Variants in ADK observed in about 807,000 individuals in gnomAD.
The protein encoded by ADK is adenosine kinase.
A neutral mutation model predicts 44.7 loss-of-function variants in ADK; 24 were observed. That is an observed-to-expected ratio of 0.54 (90% CI 0.39 to 0.76). The LOEUF (loss-of-function observed/expected upper bound fraction) is 0.76. ADK is among the 30% of genes least tolerant of loss of function. The pLI is 0.00. For missense variants in ADK, 321 were observed against 425.1 expected, an observed-to-expected ratio of 0.76 and a Z score of 2.15; for synonymous variants, 128 against 142.6, an observed-to-expected ratio of 0.90 and a Z score of 0.73.
chr10:74,417,963 T>TC (rs1328656955), intron 6 of ADK, among the ~76,000 whole-genome samples: 1 of 152,162 alleles, frequency 6.6e-6, no homozygotes, highest in Non-Finnish European at 1.5e-5. Flanking sequence ...AATGAAAACC[T>TC]CATTCTGTTA....
chr10:74,264,876 T>C (rs1276543295), intron 3 of ADK, among the ~76,000 whole-genome samples: 2 of 152,186 alleles, frequency 1.3e-5, no homozygotes, highest in African/African-American at 4.8e-5. Flanking sequence ...AGTTTTTTGT[T>C]TGCATGGGGG....
chr10:74,186,275 C>T (rs530628331), intron 1 of ADK, among the ~76,000 whole-genome samples: 1 of 151,484 alleles, frequency 6.6e-6, no homozygotes, highest in South Asian at 2.1e-4. Context: ...TCTCCCTTCT[C>T]CCCTTTCCCT....
chr10:74,249,416 T>C (rs1193110139), intron 3 of ADK, among the ~76,000 whole-genome samples: 2 of 152,212 alleles, frequency 1.3e-5, no homozygotes, highest in Non-Finnish European at 2.9e-5. Flanking sequence ...TATTTTTCTC[T>C]GTATATAGTT....
At position 74,663,116 on chromosome 10, in the gene ADK, A is replaced by G. The variant is rs1589347535; in HGVS notation, c.878-7067A>G. 3.3e-5 allele frequency among the ~76,000 whole-genome samples: 5 copies of G among 152,042 alleles called. No individual in the cohort carries two copies. In the South Asian group the frequency reaches 1.0e-3, roughly 32 times the overall value. On this transcript the variant is annotated intron_variant, in intron 9 of 10. Transcript: ENST00000539909. ...GCTGGGCATAGTGGTGCACGCCTGTAATCCCAGCTAAGAGTAGCTGAGGCA... is the reference window on the plus strand; with the variant it reads ...GCTGGGCATAGTGGTGCACGCCTGTGATCCCAGCTAAGAGTAGCTGAGGCA...
chr10:74,601,760 G>A (rs1403651986), intron 9 of ADK, among the ~76,000 whole-genome samples: 1 of 151,432 alleles, frequency 6.6e-6, no homozygotes, highest in Non-Finnish European at 1.5e-5. Flanking sequence ...AAGATACATT[G>A]ATATCCTTGC....
intron 2 of ADK, among the ~76,000 whole-genome samples, chr10:74,219,460 T>C (rs370886796): frequency 3.3e-5 from 5 of 152,194 alleles, no homozygotes; most frequent in South Asian, 4.2e-4. Context: ...GACAGATCAA[T>C]GAGACAGAAA....
Position 74,708,442 on chromosome 10 carries a change from C to G in ADK, c.1086C>G (p.His362Gln), listed in dbSNP as rs769031099. Residue 362 changes from histidine (H) to glutamine (Q), a missense_variant, in exon 11 of 11, where the codon CAC (histidine) becomes CAG (glutamine). His to Gln is a conservative substitution (Grantham distance 24). Coordinates refer to ENST00000539909, the MANE Select transcript of ADK (RefSeq NM_006721.4). Reference protein sequence around the residue: ...GCTFPEKPDFH With the variant: ...GCTFPEKPDFQ ...CCTTTCCTGAGAAGCCAGACTTCCA[C>G]TGATGGAAGAGCTGAAAACACAAGC... 3 of 1,611,048 alleles carry G rather than the reference C, an allele frequency of 1.9e-6. No homozygotes were observed. Among genetic ancestry groups the G allele is most frequent in the African/African-American group, 1.3e-5 (1 of 74,966 alleles).
intron 10 of ADK, among the ~76,000 whole-genome samples, chr10:74,679,519 G>C (rs1855523267): frequency 6.6e-6 from 1 of 151,872 alleles, no homozygotes; most frequent in South Asian, 2.1e-4. Context: ...AAATCCCAAA[G>C]TCTGGGATTC....
At chr10:74,610,400 C>T (rs776187877) in intron 9 of ADK, among the ~76,000 whole-genome samples, 1 of 151,932 alleles carries the variant, frequency 6.6e-6, no homozygotes, top group African/African-American at 2.4e-5. Context: ...TGATGTTAGC[C>T]AGGGGCTGGG....
intron 3 of ADK, among the ~76,000 whole-genome samples, chr10:74,279,815 T>G (rs529273075): frequency 6.6e-6 from 1 of 152,088 alleles, no homozygotes; most frequent in African/African-American, 2.4e-5. Flanking sequence ...GAGGATTGCT[T>G]GAAACCAGGA....
At chr10:74,152,763 G>A (rs1291790319) in intron 1 of ADK, among the ~76,000 whole-genome samples, 1 of 152,174 alleles carries the variant, frequency 6.6e-6, no homozygotes, top group African/African-American at 2.4e-5. Flanking sequence ...AAAACAATTA[G>A]TACAGGAACA....
At chr10:74,697,768 T>C (rs185368338) in intron 10 of ADK, among the ~76,000 whole-genome samples, 153 of 152,326 alleles carry the variant, frequency 1.0e-3, no homozygotes, top group African/African-American at 3.5e-3. Flanking sequence ...CTAGATGCTA[T>C]AGCTCTTCTA....
At chr10:74,258,229 G>A (rs920106531) in intron 3 of ADK, among the ~76,000 whole-genome samples, 2 of 151,876 alleles carry the variant, frequency 1.3e-5, no homozygotes, top group Non-Finnish European at 2.9e-5. Context: ...ACATAAGTTG[G>A]CATCACTTAC....
chr10:74,627,903 C>T (rs949358350), intron 9 of ADK, among the ~76,000 whole-genome samples: 1 of 152,166 alleles, frequency 6.6e-6, no homozygotes, highest in Non-Finnish European at 1.5e-5. Flanking sequence ...TACCAAAGTG[C>T]TCGGATTATA....
At chr10:74,458,638 A>G (rs1360486349) in intron 6 of ADK, among the ~76,000 whole-genome samples, 2 of 152,146 alleles carry the variant, frequency 1.3e-5, no homozygotes, top group Non-Finnish European at 2.9e-5. Context: ...ATTTCTAGTA[A>G]AGTAATGTAG....
intron 8 of ADK, among the ~76,000 whole-genome samples, chr10:74,598,503 G>A (rs1315205407): frequency 7.7e-6 from 1 of 130,446 alleles, no homozygotes; most frequent in Non-Finnish European, 1.5e-5. Context: ...AGGCTGCAGT[G>A]CAGTGGCATG....
intron 1 of ADK, among the ~76,000 whole-genome samples, chr10:74,177,583 C>T (rs954806924): frequency 3.3e-5 from 5 of 152,104 alleles, no homozygotes; most frequent in Admixed American, 6.5e-5. Context: ...CACTTTCTCC[C>T]AGTAGCCTTG....
At chr10:74,632,197 A>G (rs1267682469) in intron 9 of ADK, among the ~76,000 whole-genome samples, 4 of 151,834 alleles carry the variant, frequency 2.6e-5, no homozygotes, top group Admixed American at 2.6e-4. Flanking sequence ...ATATAAATGG[A>G]CTCTTACAAT....
At chr10:74,457,544 A>G (rs143073076) in intron 6 of ADK, among the ~76,000 whole-genome samples, 2 of 152,374 alleles carry the variant, frequency 1.3e-5, no homozygotes, top group East Asian at 1.9e-4. Flanking sequence ...ATTATAAATC[A>G]TGGTGCTATG....
Sources: allele counts gnomAD v4.1 joint callset (sites outside exome capture counted in the v4.1 genomes callset), GRCh38; gene constraint gnomAD v4.1.1; transcripts MANE v1.5; gene names NCBI Gene and HGNC (gene_info 2026-07-23, HGNC 2026-07-21).